CDH2: variants seen among roughly 807,000 people sequenced by gnomAD.
CDH2 encodes the protein cadherin-2.
Under a neutral mutation model 92.0 loss-of-function variants are expected in CDH2, and 17 were observed. The observed-to-expected ratio is 0.18, with a 90% CI of 0.13 to 0.28. The LOEUF (loss-of-function observed/expected upper bound fraction) is 0.28. Among genes scored for constraint, CDH2 ranks in the 10% least tolerant of loss-of-function variants. CDH2 has a pLI of 1.00. For missense variants in CDH2, 862 were observed against 1,133.1 expected (o/e 0.76, Z 3.44); for synonymous variants, 419 against 415.9 (o/e 1.01, Z -0.09).
In CDH2 at chr18:28,003,043, T is replaced by C. The variant is rs369552063; in HGVS notation, c.974A>G (p.Asn325Ser). 1.9e-6 allele frequency: 3 copies of C among 1,614,094 alleles called. No individual in the cohort carries two copies. The highest frequency in any genetic ancestry group is 1.7e-6 in the Non-Finnish European group (2 of 1,179,972). Residue 325 changes from asparagine (N) to serine (S), a missense_variant, in exon 7 of 16, where the codon AAT becomes AGT. This residue lies in a region of CDH2 where 564 missense variants were observed against 722.2 expected (regional missense o/e 0.78). Transcript: ENST00000269141. ...TPSPNMFTIN[N>S]ETGDIITVAA... ...CACTGTGATGATGTCACCAGTCTCA[T>C]TGTTGATTGTAAACATGTTGGGTGA...
chr18:28,099,342 T>C (rs1396868146), intron 2 of CDH2, among the ~76,000 whole-genome samples: 1 of 152,160 alleles, frequency 6.6e-6, no homozygotes, highest in Non-Finnish European at 1.5e-5. Flanking sequence ...TTAAAAAGAA[T>C]GCAGGTCAAG....
At chr18:28,030,948 A>G (rs183368202) in intron 2 of CDH2, among the ~76,000 whole-genome samples, 1 of 152,062 alleles carries the variant, frequency 6.6e-6, no homozygotes, top group Non-Finnish European at 1.5e-5. Flanking sequence ...CAGTGCCTTA[A>G]GGCTTAGCTC....
chr18:28,000,038 G>A lies in CDH2; in HGVS notation c.1020+2959C>T, dbSNP rs149593427. On this transcript the variant is annotated intron_variant, in intron 7 of 15. Transcript: ENST00000269141. ...CTTCCTGAGGCCTCCCCAGCCATGC[G>A]GAACTGTGAGCCAATTAAACCTCTT... 3.3e-3 allele frequency among the ~76,000 whole-genome samples: 498 copies of A among 151,864 alleles called. 1 individual carries two copies. The highest frequency in any genetic ancestry group is 0.011 in the African/African-American group (472 of 41,386).
chr18:27,992,717 T>C lies in CDH2; in HGVS notation c.1282A>G (p.Thr428Ala). Residue 428 changes from threonine (T) to alanine (A), a missense_variant, in exon 9 of 16, where the codon ACT (threonine) becomes GCT (alanine). Physicochemically the swap from Thr to Ala is moderately conservative, Grantham distance 58 (BLOSUM62 0). Coordinates refer to ENST00000269141, the MANE Select transcript of CDH2 (RefSeq NM_001792.5). ...AVYRISGGDP[T>A]GRFAIQTDPN... ...TCGGTCTGGATGGCGAACCGTCCAG[T>C]AGGATCTCCGCCACTGATTCTGTAC... is the stretch of plus-strand genomic sequence containing the variant. 1 of 1,614,062 alleles carries C rather than the reference T, an allele frequency of 6.2e-7. No individual in the cohort carries two copies.
chr18:28,134,321 A>G (rs1169575616), intron 2 of CDH2, among the ~76,000 whole-genome samples: 2 of 152,168 alleles, frequency 1.3e-5, no homozygotes, highest in Non-Finnish European at 2.9e-5. Context: ...TATGCTGGGA[A>G]GATGGCTGAT....
intron 2 of CDH2, among the ~76,000 whole-genome samples, chr18:28,063,846 T>C (rs1019703019): frequency 6.6e-6 from 1 of 152,242 alleles, no homozygotes; most frequent in Admixed American, 6.5e-5. Flanking sequence ...CAGGCTTTTC[T>C]ATATTTTCTT....
rs757068729 is a variant in CDH2 at position 28,147,707 on chromosome 18, C to T, written c.138G>A (p.Ser46=). The change falls in exon 2 of 16, where the codon TCG becomes TCA. Residue 46 remains serine, a synonymous_variant. Coordinates refer to ENST00000269141, the MANE Select transcript of CDH2 (RefSeq NM_001792.5). ...FPEDVYSAVL[S]KDVHEGQPLL... is the part of the protein sequence containing the mutation. The stretch of plus-strand genomic sequence containing the variant: ...GAGGCTGTCCTTCATGCACATCCTT[C>T]GATAAGACTGCACTGTAAACATCTT... 5.6e-6 allele frequency: 9 copies of T among 1,611,358 alleles called. No homozygotes were observed. Among genetic ancestry groups the T allele is most frequent in the South Asian group, 3.3e-5 (3 of 90,894 alleles).
intron 2 of CDH2, among the ~76,000 whole-genome samples, chr18:28,119,729 C>A (rs1216623566): frequency 6.6e-6 from 1 of 152,084 alleles, no homozygotes; most frequent in Non-Finnish European, 1.5e-5. Flanking sequence ...GGCATACTGC[C>A]ACTCACAATA....
chr18:27,950,436 A>G (rs532367227), downstream of CDH2, among the ~76,000 whole-genome samples: 1 of 152,256 alleles, frequency 6.6e-6, no homozygotes, highest in South Asian at 2.1e-4. Flanking sequence ...CCATTACTAT[A>G]TCAAACTGAA....
chr18:27,995,078 C>A (rs1320655524), intron 7 of CDH2, among the ~76,000 whole-genome samples: 3 of 151,864 alleles, frequency 2.0e-5, no homozygotes, highest in Non-Finnish European at 4.4e-5. Flanking sequence ...TTTGGGAGGT[C>A]GAGGCAGGCG....
chr18:28,061,585 G>T (rs151287730), intron 2 of CDH2, among the ~76,000 whole-genome samples: 29 of 152,198 alleles, frequency 1.9e-4, no homozygotes, highest in African/African-American at 7.0e-4. Context: ...CTCCAGTCTG[G>T]GACACAGAGC....
At chr18:28,077,725 T>C (rs1016826636) in intron 2 of CDH2, among the ~76,000 whole-genome samples, 33 of 151,868 alleles carry the variant, frequency 2.2e-4, no homozygotes, top group Middle Eastern at 6.8e-3. Flanking sequence ...ACCCCGTCTC[T>C]GCCAAAAATA....
Position 27,983,078 on chromosome 18 carries a change from C to G in CDH2, c.2215G>C (p.Val739Leu), listed in dbSNP as rs753513462. The change falls in exon 14 of 16, where the codon GTG (valine) becomes CTG (leucine). Residue 739 changes from valine to leucine, a missense_variant. Around this residue, in one of 5 missense-constraint regions of CDH2, gnomAD observed 564 missense variants for 722.2 expected, o/e 0.78. Coordinates refer to ENST00000269141, the MANE Select transcript of CDH2 (RefSeq NM_001792.5). ...TTCATCCATACCACAAACATCAGCA[C>G]AAGGACTAGGTAGAAAAATAGTAAA... Reference protein sequence around the residue: ...LLCIIILLILVLMFVVWMKRR... With the variant: ...LLCIIILLILLLMFVVWMKRR... The G allele has an allele frequency of 1.2e-6, 2 of 1,608,402 alleles. No individual in the cohort carries two copies. The highest frequency in any genetic ancestry group is 3.4e-5 in the Admixed American group (2 of 59,072).
intron 2 of CDH2, among the ~76,000 whole-genome samples, chr18:28,127,493 T>C (rs942795570): frequency 6.6e-6 from 1 of 151,696 alleles, no homozygotes; most frequent in Non-Finnish European, 1.5e-5. Flanking sequence ...CGTGGCGCAA[T>C]GGTCAAGCCA....
intron 2 of CDH2, among the ~76,000 whole-genome samples, chr18:28,102,468 C>T (rs1006426502): frequency 3.3e-5 from 5 of 152,110 alleles, no homozygotes; most frequent in Non-Finnish European, 7.4e-5. Flanking sequence ...TCTATATATC[C>T]AGCCCTGTGA....
intron 2 of CDH2, among the ~76,000 whole-genome samples, chr18:28,128,199 A>G (rs1450977005): frequency 1.3e-5 from 2 of 152,184 alleles, no homozygotes; most frequent in Non-Finnish European, 2.9e-5. Flanking sequence ...GTGTATAGTA[A>G]AAGTGAAATA....
chr18:28,088,848 A>G lies in CDH2; in HGVS notation c.172+58825T>C, dbSNP rs45599840. Among the ~76,000 whole-genome samples the G allele has an allele frequency of 7.5e-3, 1,141 of 152,326 alleles. 12 individuals are homozygous for G. The highest frequency in any genetic ancestry group is 0.024 in the Middle Eastern group (7 of 294). ...TGAAATGAGTGGAGGCAGATATTGC[A>G]TATCAGGAGAGAAAATACAAATTCT... On this transcript the variant is annotated intron_variant, in intron 2 of 15. Transcript: ENST00000269141.
intron 1 of CDH2, among the ~76,000 whole-genome samples, chr18:28,168,846 T>G (rs567401569): frequency 6.6e-6 from 1 of 152,154 alleles, no homozygotes; most frequent in African/African-American, 2.4e-5. Flanking sequence ...AGAGAGAAAC[T>G]GAAACTCTTC....
chr18:28,172,284 A>G (rs1380071390), intron 1 of CDH2, among the ~76,000 whole-genome samples: 1 of 152,134 alleles, frequency 6.6e-6, no homozygotes, highest in Non-Finnish European at 1.5e-5. Flanking sequence ...ACATCTTTCA[A>G]AAAGTCCCAT....
Sources: allele counts gnomAD v4.1 joint callset (sites outside exome capture counted in the v4.1 genomes callset), GRCh38; gene constraint gnomAD v4.1.1; regional missense constraint gnomAD v4.1.1; transcripts MANE v1.5; gene names NCBI Gene and HGNC (gene_info 2026-07-23, HGNC 2026-07-21).